The following XIRP2 variants were observed in gnomAD, a reference collection of about 807,000 sequenced individuals.
XIRP2 encodes xin actin-binding repeat-containing protein 2.
In XIRP2, 236 loss-of-function variants were observed where a neutral mutation model predicts 277.0. The observed-to-expected ratio is 0.85, with a 90% CI of 0.77 to 0.95. The LOEUF (loss-of-function observed/expected upper bound fraction) is 0.95, where lower values mean the gene tolerates loss of function less well. XIRP2 is among the 40% of genes least tolerant of loss of function. The probability of loss-of-function intolerance (pLI) is 0.00; values close to 1 mark genes in which losing one functional copy is unlikely to be tolerated. For missense variants in XIRP2, 4,640 were observed against 4,157.5 expected, an observed-to-expected ratio of 1.12 and a Z score of -3.19; for synonymous variants, 1,490 against 1,416.5, an observed-to-expected ratio of 1.05 and a Z score of -1.17.
intron 2 of XIRP2, among the ~76,000 whole-genome samples, chr2:166,926,662 T>C (rs1163727235): frequency 6.6e-6 from 1 of 152,128 alleles, no homozygotes; most frequent in African/African-American, 2.4e-5. Context: ...TCACTTTCTG[T>C]TCATGCTTGG....
rs75019688 is a variant in XIRP2, at chr2:167,220,000, G to A, written c.858+1700G>A. ...AAATAGTCTTGGGGAAAGGAGATTT[G>A]ATGTAAGCTCCAGTGGAGTACCAGA... is the stretch of plus-strand genomic sequence containing the variant. On this transcript the variant is annotated intron_variant, in intron 5 of 10. Transcript: ENST00000409195. Among the ~76,000 whole-genome samples the A allele has an allele frequency of 4.3e-3, 648 of 152,266 alleles. 5 individuals are homozygous for A. Among genetic ancestry groups the A allele is most frequent in the African/African-American group, 0.015 (624 of 41,566 alleles).
At chr2:167,231,151 C>T (rs1299862301) in intron 5 of XIRP2, among the ~76,000 whole-genome samples, 1 of 151,936 alleles carries the variant, frequency 6.6e-6, no homozygotes, top group Non-Finnish European at 1.5e-5. Flanking sequence ...TAGATCCAAG[C>T]CAGATCTGTT....
intron 4 of XIRP2, among the ~76,000 whole-genome samples, chr2:167,214,124 A>AGGAG (rs1352308761): frequency 1.6e-5 from 2 of 126,210 alleles, no homozygotes; most frequent in Non-Finnish European, 3.2e-5. Flanking sequence ...GAAGGAAGGA[A>AGGAG]GGAAGGAAGG....
intron 2 of XIRP2, among the ~76,000 whole-genome samples, chr2:167,033,473 C>T (rs1274314947): frequency 1.3e-5 from 2 of 151,928 alleles, no homozygotes; most frequent in Non-Finnish European, 2.9e-5. Context: ...GCAATAAAAA[C>T]AGAACTTTCC....
At chr2:167,013,987 A>G (rs910420222) in intron 2 of XIRP2, among the ~76,000 whole-genome samples, 10 of 150,102 alleles carry the variant, frequency 6.7e-5, no homozygotes, top group Admixed American at 2.7e-4. Context: ...ACTGAATGCA[A>G]ATTGTTCTGG....
chr2:166,890,283 G>A (rs544746357), intron 1 of XIRP2, among the ~76,000 whole-genome samples: 4 of 152,058 alleles, frequency 2.6e-5, no homozygotes, highest in South Asian at 2.1e-4. Flanking sequence ...ATGAGCCACC[G>A]TGCCTGGCCC....
At chr2:166,966,076 C>A (rs896327138) in intron 2 of XIRP2, among the ~76,000 whole-genome samples, 1 of 151,442 alleles carries the variant, frequency 6.6e-6, no homozygotes, top group Non-Finnish European at 1.5e-5. Context: ...AAATAAAATC[C>A]CATATTTTCT....
At position 167,083,580 on chromosome 2, in the gene XIRP2, G is replaced by A. The variant is rs1329604724; in HGVS notation, c.409-52329G>A. 3.3e-5 allele frequency among the ~76,000 whole-genome samples: 5 copies of A among 152,198 alleles called. No individual in the cohort carries two copies. The East Asian group carries it at 9.6e-4, about 29-fold the overall frequency. Reference sequence around the variant, plus strand: ...ATTGATTCTTCCTACCCATGGCCATGGAATGTTCTTCCATTTGTTTGTATC... The same window carrying A: ...ATTGATTCTTCCTACCCATGGCCATAGAATGTTCTTCCATTTGTTTGTATC... On this transcript the variant is annotated intron_variant, in intron 2 of 10. Transcript: ENST00000409195.
chr2:166,888,951 A>T (rs890101005), intron 1 of XIRP2, among the ~76,000 whole-genome samples: 89 of 152,320 alleles, frequency 5.8e-4, no homozygotes, highest in Non-Finnish European at 2.2e-4. Flanking sequence ...CAAAGAAAGC[A>T]TCTGGGCAAT....
intron 2 of XIRP2, among the ~76,000 whole-genome samples, chr2:167,094,872 A>T (rs561906874): frequency 6.6e-6 from 1 of 152,272 alleles, no homozygotes; most frequent in Admixed American, 6.5e-5. Flanking sequence ...TTGTAGCTTG[A>T]TGGGGATAGC....
At chr2:167,042,488 G>T (rs1688682809) in intron 2 of XIRP2, among the ~76,000 whole-genome samples, 1 of 152,086 alleles carries the variant, frequency 6.6e-6, no homozygotes, top group African/African-American at 2.4e-5. Flanking sequence ...TAAAGGGATG[G>T]AGAAAGATCT....
At chr2:167,172,875 A>G (rs372540002) in intron 3 of XIRP2, among the ~76,000 whole-genome samples, 3 of 152,232 alleles carry the variant, frequency 2.0e-5, no homozygotes, top group African/African-American at 7.2e-5. Context: ...AAAGACAGGC[A>G]TAGGAAATCA....
intron 2 of XIRP2, among the ~76,000 whole-genome samples, chr2:167,095,333 A>G (rs895663727): frequency 3.3e-5 from 5 of 152,206 alleles, no homozygotes; most frequent in African/African-American, 1.2e-4. Flanking sequence ...TGCCCTGGCC[A>G]TAACTTCCAA....
intron 2 of XIRP2, among the ~76,000 whole-genome samples, chr2:167,101,283 G>A (rs948833211): frequency 2.0e-5 from 3 of 152,004 alleles, no homozygotes; most frequent in Non-Finnish European, 2.9e-5. Flanking sequence ...ATAATCTCCT[G>A]GATAAAAAAT....
rs748017587 is a variant in XIRP2 at position 167,250,244 on chromosome 2, G to T, written c.8852G>T (p.Arg2951Leu). 1.4e-5 allele frequency: 23 copies of T among 1,613,210 alleles called. No homozygotes were observed. The highest frequency in any genetic ancestry group is 1.9e-5 in the Non-Finnish European group (23 of 1,179,634). Residue 2951 changes from arginine (R) to leucine (L), a missense_variant, in exon 9 of 11, where the codon CGT (arginine) becomes CTT (leucine). Physicochemically the swap from Arg to Leu is moderately radical, Grantham distance 102. Transcript: ENST00000409195. ...ALNIVEFLRK[R>L]EELQQILSRV... ...AATATAGTGGAATTCTTGAGAAAACGTGAAGAACTGCAACAGATTTTGTCG... is the reference window on the plus strand; with the variant it reads ...AATATAGTGGAATTCTTGAGAAAACTTGAAGAACTGCAACAGATTTTGTCG...
At chr2:167,256,896 A>G (rs1040694319) in intron 10 of XIRP2, among the ~76,000 whole-genome samples, 2 of 151,798 alleles carry the variant, frequency 1.3e-5, no homozygotes, top group Admixed American at 1.3e-4. Flanking sequence ...ATCCTGCTCA[A>G]TCTTGATTCT....
At chr2:167,186,237 T>C (rs991951721) in intron 3 of XIRP2, among the ~76,000 whole-genome samples, 15 of 152,198 alleles carry the variant, frequency 9.9e-5, no homozygotes, top group South Asian at 4.1e-4. Flanking sequence ...TTGTGGAGTA[T>C]ATAGAACACT....
intron 2 of XIRP2, among the ~76,000 whole-genome samples, chr2:166,914,854 A>C (rs985068404): frequency 6.6e-6 from 1 of 152,148 alleles, no homozygotes; most frequent in African/African-American, 2.4e-5. Flanking sequence ...AGTTAGTAGT[A>C]TGAATGCATA....
intron 2 of XIRP2, among the ~76,000 whole-genome samples, chr2:166,935,110 T>C (rs983813826): frequency 6.6e-6 from 1 of 152,118 alleles, no homozygotes; most frequent in African/African-American, 2.4e-5. Flanking sequence ...AGTTCTATTA[T>C]AATTGGGTAC....
Sources: gnomAD v4.1 joint callset for allele counts (sites outside exome capture counted in the v4.1 genomes callset) on GRCh38, gnomAD v4.1.1 for gene constraint, MANE v1.5 for transcripts, NCBI Gene and HGNC (gene_info 2026-07-23, HGNC 2026-07-21) for gene names.